Variants in ZNF385B observed in about 807,000 individuals in gnomAD.
The protein encoded by ZNF385B is zinc finger protein 385B.
ZNF385B carries 23 observed loss-of-function variants against 39.2 expected under a neutral mutation model. That is an observed-to-expected ratio of 0.59 (90% CI 0.42 to 0.83). ZNF385B has a LOEUF of 0.83. ZNF385B is among the 40% of genes least tolerant of loss of function. The probability of loss-of-function intolerance (pLI) is 0.00; values close to 1 mark genes in which losing one functional copy is unlikely to be tolerated. For missense variants in ZNF385B, 552 were observed against 598.9 expected, an observed-to-expected ratio of 0.92 and a Z score of 0.82; for synonymous variants, 205 against 222.6, an observed-to-expected ratio of 0.92 and a Z score of 0.70.
At chr2:179,609,069 T>C (rs1228784907) in intron 3 of ZNF385B, among the ~76,000 whole-genome samples, 5 of 152,286 alleles carry the variant, frequency 3.3e-5, no homozygotes, top group Non-Finnish European at 7.4e-5. Flanking sequence ...TCTTTCTTTG[T>C]GTTACAAATA....
intron 6 of ZNF385B, among the ~76,000 whole-genome samples, chr2:179,457,500 A>G (rs2050829378): frequency 6.6e-6 from 1 of 152,132 alleles, no homozygotes; most frequent in Admixed American, 6.5e-5. Context: ...TCAGCAATGT[A>G]TGAAAATTTC....
chr2:179,568,064 CAT>C (rs1684795077), intron 3 of ZNF385B, among the ~76,000 whole-genome samples: 1 of 152,230 alleles, frequency 6.6e-6, no homozygotes, highest in African/African-American at 2.4e-5. Context: ...GCAGTCACCA[CAT>C]GTTTAATTAA....
chr2:179,785,710 A>G (rs1355088634), intron 1 of ZNF385B, among the ~76,000 whole-genome samples: 2 of 152,150 alleles, frequency 1.3e-5, no homozygotes, highest in African/African-American at 4.8e-5. Context: ...ACAATCTCAT[A>G]ACAAAATTTT....
At chr2:179,719,903 A>G (rs1382278404) in intron 3 of ZNF385B, among the ~76,000 whole-genome samples, 1 of 152,208 alleles carries the variant, frequency 6.6e-6, no homozygotes, top group Non-Finnish European at 1.5e-5. Context: ...GTATACACTC[A>G]GTTAAGAGGG....
At chr2:179,478,205 G>A (rs1297525197) in intron 6 of ZNF385B, among the ~76,000 whole-genome samples, 1 of 152,150 alleles carries the variant, frequency 6.6e-6, no homozygotes, top group East Asian at 1.9e-4. Flanking sequence ...CAGCTTGAAG[G>A]TGATGACTAC....
chr2:179,580,605 C>T (rs543897257), intron 3 of ZNF385B, among the ~76,000 whole-genome samples: 1 of 152,190 alleles, frequency 6.6e-6, no homozygotes, highest in East Asian at 1.9e-4. Flanking sequence ...AGGGCTAGTT[C>T]CCTTATAAGT....
chr2:179,808,574 T>G (rs1706540628), intron 1 of ZNF385B, among the ~76,000 whole-genome samples: 1 of 152,228 alleles, frequency 6.6e-6, no homozygotes, highest in Non-Finnish European at 1.5e-5. Context: ...TATACTTGTC[T>G]CTATATTTCA....
At chr2:179,714,739 A>G (rs1700210418) in intron 3 of ZNF385B, among the ~76,000 whole-genome samples, 1 of 151,882 alleles carries the variant, frequency 6.6e-6, no homozygotes. Flanking sequence ...TGAGGTCAGG[A>G]ATTCCAGACC....
In ZNF385B at chr2:179,483,401, G is replaced by A. The variant is rs752333444; in HGVS notation, c.586C>T (p.His196Tyr). The change falls in exon 6 of 10, where the codon CAT (histidine) becomes TAT (tyrosine). Residue 196 changes from histidine (H) to tyrosine (Y), a missense_variant. Transcript: ENST00000410066. Reference protein sequence around the residue: ...QAEAHYKGSKHAKKVKALDAT... With the variant: ...QAEAHYKGSKYAKKVKALDAT... The stretch of plus-strand genomic sequence containing the variant: ...TCTAGTGCTTTGACCTTCTTGGCAT[G>A]TTTACTTCCTTTGTAGTGGGCCTCG... 6.2e-7 allele frequency: 1 copy of A among 1,614,008 alleles called. No individual in the cohort carries two copies. The highest frequency in any genetic ancestry group is 2.2e-5 in the East Asian group (1 of 44,874).
chr2:179,546,248 G>A (rs79943166), intron 3 of ZNF385B, among the ~76,000 whole-genome samples: 2 of 151,940 alleles, frequency 1.3e-5, no homozygotes, highest in Non-Finnish European at 2.9e-5. Context: ...CATTGCCCAC[G>A]CTGGTCTCGA....
At chr2:179,728,335 C>A (rs1180212881) in intron 3 of ZNF385B, among the ~76,000 whole-genome samples, 1 of 152,060 alleles carries the variant, frequency 6.6e-6, no homozygotes, top group Non-Finnish European at 1.5e-5. Flanking sequence ...GCAAAAGTGG[C>A]TCTTAAAGGA....
chr2:179,822,728 A>G (rs1707473870), intron 1 of ZNF385B, among the ~76,000 whole-genome samples: 1 of 152,246 alleles, frequency 6.6e-6, no homozygotes, highest in African/African-American at 2.4e-5. Context: ...AGCCCAGATC[A>G]TTAAGCCTTA....
rs149100248 is a variant in ZNF385B, at chr2:179,819,680, T to G, written c.-155+41421A>C. ...GGATGGGCTTATGGCTTTCAGTCTG[T>G]CATAGTCACTATTGAGATGATGGTG... On this transcript the variant is annotated intron_variant, in intron 1 of 9. Transcript: ENST00000410066. Among the ~76,000 whole-genome samples the G allele has an allele frequency of 5.3e-5, 8 of 152,288 alleles. No individual in the cohort carries two copies. The East Asian group carries it at 1.4e-3, about 26-fold the overall frequency.
intron 3 of ZNF385B, among the ~76,000 whole-genome samples, chr2:179,663,507 G>C (rs1694741485): frequency 6.6e-6 from 1 of 151,952 alleles, no homozygotes; most frequent in African/African-American, 2.4e-5. Flanking sequence ...TCAGGAGATC[G>C]AGACCATCCT....
At chr2:179,636,258 T>A (rs1475837747) in intron 3 of ZNF385B, among the ~76,000 whole-genome samples, 5 of 152,218 alleles carry the variant, frequency 3.3e-5, no homozygotes, top group Non-Finnish European at 7.3e-5. Context: ...ACATTCATAA[T>A]ACAACATAGC....
At position 179,664,797 on chromosome 2, in the gene ZNF385B, ATGTT is replaced by A. The variant is rs1163180552; in HGVS notation, c.298+104702_298+104705del. 2.6e-5 allele frequency among the ~76,000 whole-genome samples: 4 copies of A among 152,278 alleles called. No homozygotes were observed. In the Middle Eastern group the frequency reaches 0.01, roughly 388 times the overall value. On this transcript the variant is annotated intron_variant, in intron 3 of 9. Transcript: ENST00000410066. ...ATATACATATCATATATTGATGTAA[ATGTT>A]TGTGCACATTTACAGAAACATATTT...
chr2:179,745,719 T>A, intron 3 of ZNF385B: 1 of 1,543,086 alleles, frequency 6.5e-7, no homozygotes, highest in Non-Finnish European at 8.7e-7. Flanking sequence ...TCACCTCTGC[T>A]AGGAAGTCCA....
intron 5 of ZNF385B, among the ~76,000 whole-genome samples, chr2:179,504,131 G>GT (rs2057026806): frequency 1.3e-5 from 2 of 148,754 alleles, no homozygotes; most frequent in Non-Finnish European, 3.0e-5. Context: ...GTGGTGTTTG[G>GT]TTTTTTGTTC....
rs540184499 is a variant in ZNF385B, at chr2:179,518,810, A to G, written c.442-172T>C. Among the ~76,000 whole-genome samples, 795 of 147,992 alleles carry G rather than the reference A, an allele frequency of 5.4e-3. 9 individuals are homozygous for G. The highest frequency in any genetic ancestry group is 0.019 in the African/African-American group (755 of 39,308). On this transcript the variant is annotated intron_variant, in intron 4 of 9. Transcript: ENST00000410066. ...TATTTGTCTCCAAAAATTAAAAACA[A>G]AAACAAATGACAAAAATGAAAACAA...
Sources: gnomAD v4.1 joint callset for allele counts (sites outside exome capture counted in the v4.1 genomes callset) on GRCh38, gnomAD v4.1.1 for gene constraint, MANE v1.5 for transcripts, NCBI Gene and HGNC (gene_info 2026-07-23, HGNC 2026-07-21) for gene names.